Variants in JAK2 observed in about 807,000 individuals in gnomAD.
The protein encoded by JAK2 is tyrosine-protein kinase JAK2.
A neutral mutation model predicts 139.3 loss-of-function variants in JAK2; 86 were observed. The observed-to-expected ratio is 0.62, with a 90% CI of 0.52 to 0.74. JAK2 has a LOEUF of 0.74. JAK2 is among the 30% of genes least tolerant of loss of function. JAK2 has a pLI of 0.00. For missense variants in JAK2, 1,421 were observed against 1,360.3 expected, an observed-to-expected ratio of 1.04 and a Z score of -0.70; for synonymous variants, 490 against 437.7, an observed-to-expected ratio of 1.12 and a Z score of -1.49.
rs1817598757 is a variant in JAK2, at chr9:5,054,076, C to G, written c.615-487C>G. Among the ~76,000 whole-genome samples, 1 of 151,910 alleles carries G rather than the reference C, an allele frequency of 6.6e-6. No individual in the cohort carries two copies. Among genetic ancestry groups the G allele is most frequent in the Non-Finnish European group, 1.5e-5 (1 of 67,874 alleles). ...GGAATTATTAGGAGTTGAAGCTGGC[C>G]TAACAAAATAATATACAGAAGTATG... On this transcript the variant is annotated intron_variant, in intron 6 of 24. Coordinates refer to ENST00000381652, the MANE Select transcript of JAK2 (RefSeq NM_004972.4). This position sits in a 1 kb window ranked among gnomAD's most constrained non-coding sequence, Gnocchi z 4.9.
At chr9:5,069,628 A>G (rs1346465367) in intron 11 of JAK2, among the ~76,000 whole-genome samples, 1 of 152,138 alleles carries the variant, frequency 6.6e-6, no homozygotes, top group Non-Finnish European at 1.5e-5. Flanking sequence ...GAAAAATTGT[A>G]TGAGTTAAGG....
At chr9:5,105,675 C>T (rs1482293120) in intron 22 of JAK2, among the ~76,000 whole-genome samples, 1 of 152,138 alleles carries the variant, frequency 6.6e-6, no homozygotes, top group Non-Finnish European at 1.5e-5. Flanking sequence ...TACTACAAGG[C>T]TACCGTAACC....
chr9:5,041,217 T>G lies in JAK2; in HGVS notation c.351-3186T>G, dbSNP rs1433030294. On this transcript the variant is annotated intron_variant, in intron 4 of 24. Coordinates refer to ENST00000381652, the MANE Select transcript of JAK2 (RefSeq NM_004972.4). Reference sequence around the variant, plus strand: ...GACGTGAAGCCCGAGAACTTCCTGGTGGGGCGCCCGGGGACCAAGCGGCAG... The same window carrying G: ...GACGTGAAGCCCGAGAACTTCCTGGGGGGGCGCCCGGGGACCAAGCGGCAG... 5 of 1,467,524 alleles carry G rather than the reference T, an allele frequency of 3.4e-6. No individual in the cohort carries two copies. The African/African-American group carries it at 5.6e-5, about 16-fold the overall frequency. The allele number at this position is 1,467,524 out of a possible 1,614,324, so 90.9% of individuals were successfully genotyped here. A position where few individuals can be genotyped will look rare whatever the true frequency, so the allele number is the denominator to read the frequency against.
chr9:5,071,733 A>G (rs915538161), intron 12 of JAK2, among the ~76,000 whole-genome samples: 16 of 152,214 alleles, frequency 1.1e-4, no homozygotes, highest in Admixed American at 7.2e-4. Context: ...AGAATTAGCC[A>G]GAATGGTAAA....
At chr9:4,988,871 A>G (rs1162897413) in intron 2 of JAK2, among the ~76,000 whole-genome samples, 1 of 152,020 alleles carries the variant, frequency 6.6e-6, no homozygotes, top group Non-Finnish European at 1.5e-5. Flanking sequence ...TCTTTAAACT[A>G]CTTCTTTCAT....
chr9:5,046,915 T>C (rs1254045991), intron 5 of JAK2, among the ~76,000 whole-genome samples: 1 of 152,162 alleles, frequency 6.6e-6, no homozygotes, highest in Non-Finnish European at 1.5e-5. Flanking sequence ...AGCCAAGTTT[T>C]CCCAAACTAT....
At chr9:5,022,462 A>C (rs544252806) in intron 3 of JAK2, among the ~76,000 whole-genome samples, 1 of 152,314 alleles carries the variant, frequency 6.6e-6, no homozygotes, top group African/African-American at 2.4e-5. Flanking sequence ...ATAATTACAT[A>C]TAAGGTGGTT....
intron 8 of JAK2, 61 bp from the exon 9 acceptor site, chr9:5,064,822 A>T (rs1818452567): frequency 7.8e-7 from 1 of 1,288,454 alleles, no homozygotes; most frequent in Admixed American, 2.6e-5. Context: ...GAAAATTTTC[A>T]ATATTTAACA....
intron 22 of JAK2, 36 bp downstream of exon 22, chr9:5,090,947 A>C (rs761363355): frequency 7.3e-7 from 1 of 1,374,608 alleles, no homozygotes; most frequent in Non-Finnish European, 1.0e-6. Context: ...GAAATTTTAG[A>C]GCACAGACTT....
chr9:5,087,203 T>G (rs1341849539), intron 19 of JAK2, among the ~76,000 whole-genome samples: 1 of 152,196 alleles, frequency 6.6e-6, no homozygotes, highest in Non-Finnish European at 1.5e-5. Context: ...TGACTGACAG[T>G]TACCCATGGC....
chr9:5,050,936 G>A (rs1817373107), intron 6 of JAK2, 105 bp downstream of exon 6: 1 of 900,930 alleles, frequency 1.1e-6, no homozygotes, highest in Non-Finnish European at 1.7e-6. Context: ...TGTAATACTA[G>A]TTAAGTACTC....
chr9:5,125,347 G>A (rs114646817), intron 23 of JAK2, among the ~76,000 whole-genome samples: 450 of 151,296 alleles, frequency 3.0e-3, no homozygotes, highest in African/African-American at 0.01. Context: ...GTAATTTACT[G>A]TATTAGAAAA....
chr9:5,041,849 C>A (rs1213290979), intron 4 of JAK2: 1 of 469,386 alleles, frequency 2.1e-6, no homozygotes, highest in South Asian at 1.6e-5. Flanking sequence ...GGGAGCTGAA[C>A]GCGGACGACC....
intron 22 of JAK2, among the ~76,000 whole-genome samples, chr9:5,116,440 T>C (rs1823181534): frequency 6.6e-6 from 1 of 152,222 alleles, no homozygotes; most frequent in Admixed American, 6.5e-5. Flanking sequence ...ACTTTTAGGG[T>C]ATGAGTGAAA....
Position 5,127,000 on chromosome 9 carries a change from T to G in JAK2, c.*209T>G. The G allele has an allele frequency of 3.2e-6, 1 of 309,898 alleles. No individual in the cohort carries two copies. The highest frequency in any genetic ancestry group is 5.0e-5 in the Admixed American group (1 of 19,920). 19.2% of individuals were successfully genotyped at this position (309,898 alleles called of 1,614,324 possible). A position where few individuals can be genotyped will look rare whatever the true frequency, so the allele number is the denominator to read the frequency against. Reference sequence around the variant, plus strand: ...GTAAAAGACATTAATGAGAATTCCTTAGCAAGGATTTTGTAAGAAGTTTCT... The same window carrying G: ...GTAAAAGACATTAATGAGAATTCCTGAGCAAGGATTTTGTAAGAAGTTTCT... On this transcript the variant is annotated 3_prime_UTR_variant, in exon 25 of 25. Transcript: ENST00000381652.
chr9:5,030,291 T>G (rs921314919), intron 4 of JAK2, among the ~76,000 whole-genome samples: 1 of 152,310 alleles, frequency 6.6e-6, no homozygotes, highest in East Asian at 1.9e-4. Flanking sequence ...TTTTAAAAAG[T>G]TGACGTGAAG....
chr9:5,010,768 G>GTTC (rs1222364264), intron 2 of JAK2, among the ~76,000 whole-genome samples: 4 of 152,070 alleles, frequency 2.6e-5, no homozygotes, highest in Non-Finnish European at 5.9e-5. Flanking sequence ...TTCTTTATCA[G>GTTC]TTCTTGAGTG....
At chr9:5,120,987 A>T (rs533361444) in intron 22 of JAK2, among the ~76,000 whole-genome samples, 10 of 152,218 alleles carry the variant, frequency 6.6e-5, no homozygotes, top group Non-Finnish European at 1.0e-4. Flanking sequence ...AGATATGGTT[A>T]TAAATTTGGG....
At chr9:5,079,558 G>A (rs1819538173) in intron 16 of JAK2, among the ~76,000 whole-genome samples, 1 of 151,324 alleles carries the variant, frequency 6.6e-6, no homozygotes, top group Admixed American at 6.6e-5. Flanking sequence ...GAACATCTCT[G>A]AATGATGTAA....
Sources: gnomAD v4.1 joint callset for allele counts (sites outside exome capture counted in the v4.1 genomes callset) on GRCh38, gnomAD v4.1.1 for gene constraint, Gnocchi (gnomAD v3.1) non-coding constraint, MANE v1.5 for transcripts, NCBI Gene and HGNC (gene_info 2026-07-23, HGNC 2026-07-21) for gene names.